Variants in NAV2 observed in about 807,000 individuals in gnomAD.
The protein encoded by NAV2 is neuron navigator 2.
A neutral mutation model predicts 223.2 loss-of-function variants in NAV2; 54 were observed. The ratio of observed to expected loss-of-function variants is 0.24; its 90% CI spans 0.19 to 0.30. The LOEUF (loss-of-function observed/expected upper bound fraction) is 0.30, where lower values mean the gene tolerates loss of function less well. Among genes scored for constraint, NAV2 ranks in the 10% least tolerant of loss-of-function variants. The pLI is 1.00. For missense variants in NAV2, 2,806 were observed against 3,147.5 expected (o/e 0.89, Z 2.60); for synonymous variants, 1,279 against 1,239.3 (o/e 1.03, Z -0.67).
At chr11:19,499,966 CTA>C (rs531848653) in intron 1 of NAV2, among the ~76,000 whole-genome samples, 5 of 151,562 alleles carry the variant, frequency 3.3e-5, no homozygotes, top group East Asian at 1.9e-4. Context: ...GGCCCTGATT[CTA>C]TATATATATA....
At chr11:19,809,314 C>G (rs1199278132) in intron 1 of NAV2, among the ~76,000 whole-genome samples, 4 of 152,192 alleles carry the variant, frequency 2.6e-5, no homozygotes, top group Non-Finnish European at 5.9e-5. Flanking sequence ...AAACATCAGG[C>G]TAGCATTCTG....
At chr11:20,002,943 A>G (rs1438579507) in intron 11 of NAV2, among the ~76,000 whole-genome samples, 1 of 152,204 alleles carries the variant, frequency 6.6e-6, no homozygotes, top group African/African-American at 2.4e-5. Flanking sequence ...CCTCCTAATG[A>G]TTAAACACTA....
chr11:19,662,324 C>G (rs983167717), intron 1 of NAV2, among the ~76,000 whole-genome samples: 1 of 152,200 alleles, frequency 6.6e-6, no homozygotes, highest in Non-Finnish European at 1.5e-5. Context: ...TTGCTGTGGT[C>G]AGAGTCACTG....
intron 3 of NAV2, among the ~76,000 whole-genome samples, chr11:19,848,218 T>C (rs1294786186): frequency 6.6e-6 from 1 of 152,132 alleles, no homozygotes; most frequent in African/African-American, 2.4e-5. Flanking sequence ...GGCAGTGATT[T>C]TCTAACTTCT....
rs1016042097 is a variant in NAV2, at chr11:19,398,173, C to G, written c.75+47146C>G. Among the ~76,000 whole-genome samples, 41 of 152,080 alleles carry G rather than the reference C, an allele frequency of 2.7e-4. 3 individuals carry two copies. Among genetic ancestry groups the G allele is most frequent in the Non-Finnish European group, 1.5e-5 (1 of 68,014 alleles). On this transcript the variant is annotated intron_variant, in intron 1 of 37. Transcript: ENST00000360655. Reference sequence around the variant, plus strand: ...AACTGGCATCTGCTTCTGGGGAGGCCTCTGGAAACTGAAAATCATGGCGGA... The same window carrying G: ...AACTGGCATCTGCTTCTGGGGAGGCGTCTGGAAACTGAAAATCATGGCGGA...
At chr11:19,843,090 G>A (rs1044490807) in intron 3 of NAV2, among the ~76,000 whole-genome samples, 167 bp downstream of exon 3, 1 of 152,118 alleles carries the variant, frequency 6.6e-6, no homozygotes, top group Non-Finnish European at 1.5e-5. Context: ...TCTGACATTT[G>A]TTGGCATTTA....
At chr11:19,608,996 T>C (rs2046557014) in intron 1 of NAV2, among the ~76,000 whole-genome samples, 1 of 152,232 alleles carries the variant, frequency 6.6e-6, no homozygotes, top group Admixed American at 6.5e-5. Context: ...TCTGCCTTCT[T>C]CTCCCATCTT....
At chr11:19,437,564 C>T (rs1315036541) in intron 1 of NAV2, among the ~76,000 whole-genome samples, 6 of 152,076 alleles carry the variant, frequency 3.9e-5, no homozygotes, top group Non-Finnish European at 8.8e-5. Flanking sequence ...GTCTTTTATA[C>T]CTTTGGCTGA....
At chr11:20,077,256 C>G (rs1158391971) in intron 22 of NAV2, among the ~76,000 whole-genome samples, 2 of 151,950 alleles carry the variant, frequency 1.3e-5, no homozygotes, top group African/African-American at 4.8e-5. Flanking sequence ...TTTACACAGA[C>G]AGGTAAAAAT....
intron 20 of NAV2, among the ~76,000 whole-genome samples, chr11:20,066,403 G>T (rs2059044859): frequency 6.6e-6 from 1 of 152,216 alleles, no homozygotes; most frequent in Non-Finnish European, 1.5e-5. Flanking sequence ...AGATAAGGAG[G>T]TTGTTCAGTG....
At chr11:19,470,726 A>G (rs549540887) in intron 1 of NAV2, among the ~76,000 whole-genome samples, 97 of 152,286 alleles carry the variant, frequency 6.4e-4, no homozygotes, top group African/African-American at 2.0e-3. Flanking sequence ...AGAGGAACCA[A>G]TGGGGACTGG....
intron 1 of NAV2, among the ~76,000 whole-genome samples, chr11:19,616,346 G>A (rs2046793083): frequency 6.6e-6 from 1 of 150,460 alleles, no homozygotes; most frequent in Non-Finnish European, 1.5e-5. Flanking sequence ...GCGCGCGCAT[G>A]ATCTGTGGCT....
At chr11:19,587,253 C>G (rs1456242622) in intron 1 of NAV2, among the ~76,000 whole-genome samples, 1 of 152,156 alleles carries the variant, frequency 6.6e-6, no homozygotes, top group Non-Finnish European at 1.5e-5. Context: ...TGGGAGTGAC[C>G]CAGTTTTCCA....
At chr11:19,478,333 C>T (rs1459120960) in intron 1 of NAV2, among the ~76,000 whole-genome samples, 1 of 151,970 alleles carries the variant, frequency 6.6e-6, no homozygotes, top group Non-Finnish European at 1.5e-5. Flanking sequence ...ACAGGGAGAC[C>T]CGGAGCCCGG....
chr11:19,756,536 T>A (rs7931965), intron 1 of NAV2, among the ~76,000 whole-genome samples: 8,949 of 152,280 alleles, frequency 0.059, 827 homozygotes, highest in African/African-American at 0.19. Flanking sequence ...GGAATCTGAT[T>A]GGCTCCGTGT....
chr11:19,407,261 G>C (rs1849937987), intron 1 of NAV2, among the ~76,000 whole-genome samples: 1 of 152,190 alleles, frequency 6.6e-6, no homozygotes, highest in Admixed American at 6.5e-5. Flanking sequence ...TATGGAGTTA[G>C]AATCTAGAGG....
At chr11:19,935,611 T>C (rs1483588550) in intron 7 of NAV2, among the ~76,000 whole-genome samples, 1 of 152,106 alleles carries the variant, frequency 6.6e-6, no homozygotes, top group Non-Finnish European at 1.5e-5. Flanking sequence ...CTGGCTTAAG[T>C]GCTTTCAAAG....
At chr11:19,686,507 T>C (rs980230748) in intron 1 of NAV2, among the ~76,000 whole-genome samples, 12 of 152,226 alleles carry the variant, frequency 7.9e-5, no homozygotes, top group African/African-American at 2.9e-4. Context: ...TGTTCATTTC[T>C]CCTCAACCTG....
intron 1 of NAV2, among the ~76,000 whole-genome samples, chr11:19,683,534 C>G (rs945108762): frequency 6.6e-6 from 1 of 152,240 alleles, no homozygotes; most frequent in East Asian, 1.9e-4. Context: ...CTGACTGGGC[C>G]CATCCAAGAG....
Sources: allele counts gnomAD v4.1 joint callset (sites outside exome capture counted in the v4.1 genomes callset), GRCh38; gene constraint gnomAD v4.1.1; transcripts MANE v1.5; gene names NCBI Gene and HGNC (gene_info 2026-07-23, HGNC 2026-07-21).